CDH8: variants seen among roughly 807,000 people sequenced by gnomAD.
CDH8 encodes the protein cadherin 8.
Under a neutral mutation model 68.1 loss-of-function variants are expected in CDH8, and 17 were observed. The observed-to-expected ratio is 0.25, with a 90% CI of 0.17 to 0.37. CDH8 has a LOEUF of 0.37. CDH8 is among the 10% of genes least tolerant of loss of function. CDH8 has a pLI of 1.00. For missense variants in CDH8, 763 were observed against 999.3 expected, an observed-to-expected ratio of 0.76 and a Z score of 3.19; for synonymous variants, 372 against 365.1, an observed-to-expected ratio of 1.02 and a Z score of -0.21.
chr16:61,887,367 A>C (rs1567514973), intron 3 of CDH8, among the ~76,000 whole-genome samples: 1 of 152,190 alleles, frequency 6.6e-6, no homozygotes, highest in Admixed American at 6.5e-5. Context: ...CAGCTGCCAT[A>C]ACAAAATTCC....
At chr16:61,871,159 T>TAC (rs1209450821) in intron 3 of CDH8, among the ~76,000 whole-genome samples, 2 of 151,284 alleles carry the variant, frequency 1.3e-5, no homozygotes, top group Non-Finnish European at 1.5e-5. Flanking sequence ...TACACACACA[T>TAC]ACACACACAC....
At position 61,866,604 on chromosome 16, in the gene CDH8, A is replaced by ATTATAATATAT. The variant is rs1422761600; in HGVS notation, c.548-9367_548-9366insATATATTATAA. On this transcript the variant is annotated intron_variant, in intron 3 of 11. Coordinates refer to ENST00000577390, the MANE Select transcript of CDH8 (RefSeq NM_001796.5). ...TGTATATATATATACACATTATATA[A>ATTATAATATAT]TTATAATATCAGATGTTTCTGTTGA... Among the ~76,000 whole-genome samples, 22 of 152,146 alleles carry ATTATAATATAT rather than the reference A, an allele frequency of 1.4e-4. 1 individual carries two copies. Among genetic ancestry groups the ATTATAATATAT allele is most frequent in the Admixed American group, 3.3e-4 (5 of 15,272 alleles).
chr16:61,995,361 C>G (rs1038649488), intron 2 of CDH8, among the ~76,000 whole-genome samples: 10 of 152,058 alleles, frequency 6.6e-5, no homozygotes, highest in African/African-American at 2.2e-4. Context: ...GTCTGGGGAG[C>G]AGGCATGTTT....
At chr16:61,907,051 G>T (rs1490087250) in intron 2 of CDH8, among the ~76,000 whole-genome samples, 1 of 152,092 alleles carries the variant, frequency 6.6e-6, no homozygotes, top group African/African-American at 2.4e-5. Flanking sequence ...CCTTCTCAAG[G>T]TTGCACACAC....
In CDH8 at chr16:61,650,031, C is replaced by T. The variant is rs952595711; in HGVS notation, c.*3577G>A. The stretch of plus-strand genomic sequence containing the variant: ...TCCTTTTCTTCTATATATACACATA[C>T]ACTTAACTGCAGATTTTTTTCAAAA... On this transcript the variant is annotated 3_prime_UTR_variant, in exon 12 of 12. Transcript: ENST00000577390. 1.3e-5 allele frequency: 2 copies of T among 152,034 alleles called. No homozygotes were observed. The highest frequency in any genetic ancestry group is 3.2e-3 in the Middle Eastern group (1 of 316). 9.4% of individuals were successfully genotyped at this position (152,034 alleles called of 1,614,324 possible). A position where few individuals can be genotyped will look rare whatever the true frequency, so the allele number is the denominator to read the frequency against.
At chr16:61,730,790 C>T (rs1436212507) in intron 8 of CDH8, among the ~76,000 whole-genome samples, 1 of 151,452 alleles carries the variant, frequency 6.6e-6, no homozygotes, top group African/African-American at 2.4e-5. Flanking sequence ...TAGAATTTCT[C>T]TAGTTATCCC....
intron 8 of CDH8, among the ~76,000 whole-genome samples, chr16:61,728,806 G>A (rs1431204970): frequency 6.6e-6 from 1 of 151,024 alleles, no homozygotes; most frequent in East Asian, 2.0e-4. Flanking sequence ...TGCACCTTTG[G>A]AGACCCAGCT....
chr16:61,825,012 T>G lies in CDH8; in HGVS notation c.835A>C (p.Ser279Arg). The G allele has an allele frequency of 1.2e-6, 2 of 1,609,986 alleles. No homozygotes were observed. Among genetic ancestry groups the G allele is most frequent in the Non-Finnish European group, 1.7e-6 (2 of 1,177,226 alleles). Reference sequence around the variant, plus strand: ...CATCCAGTGCAGGAAATTAACTTACTCTGTGCAAATTTTGGAGGATTGTCA... The same window carrying G: ...CATCCAGTGCAGGAAATTAACTTACGCTGTGCAAATTTTGGAGGATTGTCA... ...VNDNPPKFAQ[S>R]LYHFSVPEDV... Residue 279 changes from serine to arginine, a missense_variant and splice_region_variant, in exon 5 of 12, where the codon AGC becomes CGC. Coordinates refer to ENST00000577390, the MANE Select transcript of CDH8 (RefSeq NM_001796.5).
At chr16:61,703,684 C>CA (rs1461449688) in intron 10 of CDH8, among the ~76,000 whole-genome samples, 2 of 151,904 alleles carry the variant, frequency 1.3e-5, no homozygotes, top group Admixed American at 1.3e-4. Context: ...ACCAAAAATA[C>CA]AAAAAAATTA....
intron 8 of CDH8, among the ~76,000 whole-genome samples, chr16:61,746,354 G>A (rs1960020269): frequency 6.6e-6 from 1 of 151,960 alleles, no homozygotes; most frequent in Admixed American, 6.6e-5. Flanking sequence ...AGTTGAATCA[G>A]TTAAACTCTG....
intron 8 of CDH8, among the ~76,000 whole-genome samples, chr16:61,775,368 G>C (rs1960876571): frequency 1.3e-5 from 2 of 152,090 alleles, no homozygotes; most frequent in Admixed American, 1.3e-4. Flanking sequence ...AGGCAGGAGA[G>C]TAATTATGTG....
intron 2 of CDH8, among the ~76,000 whole-genome samples, chr16:61,969,337 G>T (rs1965302326): frequency 6.6e-6 from 1 of 152,172 alleles, no homozygotes; most frequent in Non-Finnish European, 1.5e-5. Flanking sequence ...ATCATTGAAC[G>T]GATTCAGTGT....
intron 8 of CDH8, among the ~76,000 whole-genome samples, chr16:61,731,954 G>C (rs922013789): frequency 1.3e-5 from 2 of 151,710 alleles, no homozygotes; most frequent in African/African-American, 4.8e-5. Flanking sequence ...AATGGAAATT[G>C]TGCAGTAGGA....
At chr16:61,700,478 A>T (rs113703969) in intron 10 of CDH8, among the ~76,000 whole-genome samples, 1 of 151,722 alleles carries the variant, frequency 6.6e-6, no homozygotes. Flanking sequence ...ACAGGGTTTC[A>T]CCATGTTGGC....
chr16:61,949,845 C>T (rs981186445), intron 2 of CDH8, among the ~76,000 whole-genome samples: 2 of 151,888 alleles, frequency 1.3e-5, no homozygotes, highest in South Asian at 4.2e-4. Flanking sequence ...AAAAATTAGC[C>T]AGGCATTGTG....
chr16:61,850,067 T>C (rs991995561), intron 4 of CDH8, among the ~76,000 whole-genome samples: 5 of 152,098 alleles, frequency 3.3e-5, no homozygotes, highest in South Asian at 2.1e-4. Context: ...TGTGTTGCTA[T>C]AAAGGAATAC....
intron 8 of CDH8, among the ~76,000 whole-genome samples, chr16:61,750,786 A>T (rs1960139689): frequency 6.6e-6 from 1 of 152,142 alleles, no homozygotes; most frequent in Non-Finnish European, 1.5e-5. Context: ...ACTGCATGAA[A>T]GCTATTCAGA....
chr16:61,898,771 G>A (rs1421104451), intron 3 of CDH8, among the ~76,000 whole-genome samples: 4 of 152,110 alleles, frequency 2.6e-5, no homozygotes, highest in Non-Finnish European at 5.9e-5. Context: ...GCAGACTACT[G>A]GTGAGGCTTA....
chr16:61,996,008 A>G (rs1188413626), intron 2 of CDH8, among the ~76,000 whole-genome samples: 1 of 152,224 alleles, frequency 6.6e-6, no homozygotes, highest in East Asian at 1.9e-4. Flanking sequence ...AATCATGCTG[A>G]AAAGATAGTC....
Sources: allele counts gnomAD v4.1 joint callset (sites outside exome capture counted in the v4.1 genomes callset), GRCh38; gene constraint gnomAD v4.1.1; transcripts MANE v1.5; gene names NCBI Gene and HGNC (gene_info 2026-07-23, HGNC 2026-07-21).